Variants in SH3GLB1 observed in about 807,000 individuals in gnomAD.
SH3GLB1 encodes the protein SH3 domain containing GRB2 like, endophilin B1.
In SH3GLB1, 17 loss-of-function variants were observed where a neutral mutation model predicts 42.0. The ratio of observed to expected loss-of-function variants is 0.40; its 90% CI spans 0.28 to 0.61. The LOEUF is 0.61. SH3GLB1 is among the 20% of genes least tolerant of loss of function. SH3GLB1 has a pLI of 0.36. For synonymous variants in SH3GLB1, 132 were observed against 146.6 expected (o/e 0.90, Z 0.72); for missense variants, 355 against 426.3 (o/e 0.83, Z 1.47).
chr1:86,719,440 G>GA, intron 2 of SH3GLB1, 67 bp from the exon 3 acceptor site: 5 of 1,449,722 alleles, frequency 3.4e-6, no homozygotes, highest in South Asian at 2.7e-5. Flanking sequence ...GCTGATGGGG[G>GA]AAAAAAACAA....
At chr1:86,728,233 C>A (rs564349821) in intron 5 of SH3GLB1, among the ~76,000 whole-genome samples, 1 of 152,068 alleles carries the variant, frequency 6.6e-6, no homozygotes, top group East Asian at 1.9e-4. Context: ...TGAATAGGCA[C>A]CACTATATGC....
rs1461205315 is a variant in SH3GLB1, at chr1:86,735,646, G to C, written c.761+467G>C. On this transcript the variant is annotated intron_variant, in intron 7 of 8. Coordinates refer to ENST00000370558, the MANE Select transcript of SH3GLB1 (RefSeq NM_016009.5). ...TAATATACTTCAAAGCAAAATGACA[G>C]TATGTAAAACACAAAGCTCAATCAC... Among the ~76,000 whole-genome samples, 7 of 152,278 alleles carry C rather than the reference G, an allele frequency of 4.6e-5. No homozygotes were observed. In the East Asian group the frequency reaches 9.6e-4, roughly 21 times the overall value.
intron 5 of SH3GLB1, among the ~76,000 whole-genome samples, chr1:86,732,917 A>G (rs1655588004): frequency 6.6e-6 from 1 of 152,058 alleles, no homozygotes; most frequent in African/African-American, 2.4e-5. Flanking sequence ...ACAATCAAAG[A>G]CCTATATGGA....
At chr1:86,711,592 A>G (rs377251346) in intron 1 of SH3GLB1, among the ~76,000 whole-genome samples, 2 of 152,134 alleles carry the variant, frequency 1.3e-5, no homozygotes, top group East Asian at 3.8e-4. Context: ...TCTATTCATT[A>G]AAAGATATGC....
intron 7 of SH3GLB1, among the ~76,000 whole-genome samples, chr1:86,736,472 T>C (rs1424048313): frequency 1.3e-5 from 2 of 152,212 alleles, no homozygotes; most frequent in African/African-American, 4.8e-5. Flanking sequence ...CATAACTATA[T>C]ATTTGAGGTT....
intron 5 of SH3GLB1, among the ~76,000 whole-genome samples, chr1:86,728,215 G>A (rs936979404): frequency 4.6e-5 from 7 of 151,754 alleles, no homozygotes; most frequent in African/African-American, 1.7e-4. Context: ...GAATTTTGGG[G>A]AAAAAAATGA....
intron 7 of SH3GLB1, among the ~76,000 whole-genome samples, chr1:86,738,912 G>A (rs1282660320): frequency 6.6e-6 from 1 of 152,212 alleles, no homozygotes; most frequent in Non-Finnish European, 1.5e-5. Context: ...TCAAAGTGCT[G>A]GGATTATAGG....
Position 86,742,439 on chromosome 1 carries a change from G to A in SH3GLB1, c.990+3G>A. 1 of 1,609,778 alleles carries A rather than the reference G, an allele frequency of 6.2e-7. No individual in the cohort carries two copies. Among genetic ancestry groups the A allele is most frequent in the Non-Finnish European group, 8.5e-7 (1 of 1,176,224 alleles). On this transcript the variant is annotated splice_donor_region_variant and intron_variant, in intron 8 of 8. Transcript: ENST00000370558. ...AATTATCACTTCTGGCAGATGAGGT[G>A]AGTATTGTGGGTATGAGAAGGAAAA... is the stretch of plus-strand genomic sequence containing the variant.
At chr1:86,735,380 G>A (rs547675139) in intron 7 of SH3GLB1, among the ~76,000 whole-genome samples, 37 of 152,158 alleles carry the variant, frequency 2.4e-4, no homozygotes, top group African/African-American at 8.9e-4. Flanking sequence ...ATGTTAACAG[G>A]GATGAGAAAA....
At chr1:86,708,271 G>C (rs1181957033) in intron 1 of SH3GLB1, among the ~76,000 whole-genome samples, 1 of 152,138 alleles carries the variant, frequency 6.6e-6, no homozygotes, top group African/African-American at 2.4e-5. Flanking sequence ...AAAGTACCAA[G>C]TTTCATGCTA....
intron 2 of SH3GLB1, among the ~76,000 whole-genome samples, chr1:86,716,108 G>A (rs1429388768): frequency 6.6e-6 from 1 of 152,090 alleles, no homozygotes; most frequent in Non-Finnish European, 1.5e-5. Flanking sequence ...ATTTTAGGCA[G>A]TGACTTTGAA....
At chr1:86,708,027 T>C (rs1334682641) in intron 1 of SH3GLB1, among the ~76,000 whole-genome samples, 1 of 152,180 alleles carries the variant, frequency 6.6e-6, no homozygotes, top group Non-Finnish European at 1.5e-5. Flanking sequence ...TTGTGGAAGG[T>C]TGGTTATGGG....
rs1447750582 is a variant in SH3GLB1, at chr1:86,747,096, TA to T, written c.*3863del. ...AGACAAAAACTGAGTCTTCTAATCTTAATTGTGTTCTAGCAGTAGTCATTGT... is the reference window on the plus strand; with the variant it reads ...AGACAAAAACTGAGTCTTCTAATCTTATTGTGTTCTAGCAGTAGTCATTGT... On this transcript the variant is annotated 3_prime_UTR_variant, in exon 9 of 9. Coordinates refer to ENST00000370558, the MANE Select transcript of SH3GLB1 (RefSeq NM_016009.5). 1.3e-5 allele frequency: 2 copies of T among 152,620 alleles called. No homozygotes were observed. Among genetic ancestry groups the T allele is most frequent in the Non-Finnish European group, 2.9e-5 (2 of 68,028 alleles). The allele number at this position is 152,620 out of a possible 1,614,324, so 9.5% of individuals were successfully genotyped here. A position where few individuals can be genotyped will look rare whatever the true frequency, so the allele number is the denominator to read the frequency against.
In SH3GLB1 at chr1:86,745,225, C is replaced by G. The variant is rs936805846; in HGVS notation, c.*1990C>G. On this transcript the variant is annotated 3_prime_UTR_variant, in exon 9 of 9. Coordinates refer to ENST00000370558, the MANE Select transcript of SH3GLB1 (RefSeq NM_016009.5). The stretch of plus-strand genomic sequence containing the variant: ...GAGATGTATAACTGCCTTTTCCTTA[C>G]CAGTAAAATGAGGACAATAATTATG... 2.6e-5 allele frequency: 4 copies of G among 152,142 alleles called. No homozygotes were observed. The highest frequency in any genetic ancestry group is 2.0e-4 in the Admixed American group (3 of 15,280). 9.4% of individuals were successfully genotyped at this position (152,142 alleles called of 1,614,324 possible). A position where few individuals can be genotyped will look rare whatever the true frequency, so the allele number is the denominator to read the frequency against.
chr1:86,726,501 A>G (rs1262355097), intron 5 of SH3GLB1, among the ~76,000 whole-genome samples: 3 of 148,326 alleles, frequency 2.0e-5, no homozygotes, highest in African/African-American at 5.1e-5. Context: ...TTTTTTTTCT[A>G]TGGGAATTTA....
chr1:86,730,328 T>C (rs1655437997), intron 5 of SH3GLB1: 1 of 985,270 alleles, frequency 1.0e-6, no homozygotes, highest in Non-Finnish European at 1.2e-6. Context: ...GCACACACAC[T>C]GATAAATCTT....
chr1:86,719,121 G>GA (rs1184727091), intron 2 of SH3GLB1, among the ~76,000 whole-genome samples: 2 of 152,132 alleles, frequency 1.3e-5, no homozygotes, highest in Non-Finnish European at 2.9e-5. Flanking sequence ...TTCCTAGCCA[G>GA]AAATCCTGAT....
intron 1 of SH3GLB1, among the ~76,000 whole-genome samples, chr1:86,713,177 T>C (rs1051161972): frequency 6.6e-6 from 1 of 152,168 alleles, no homozygotes; most frequent in African/African-American, 2.4e-5. Flanking sequence ...AGGGTCTTGC[T>C]GTGTCACCCA....
intron 7 of SH3GLB1, among the ~76,000 whole-genome samples, chr1:86,739,615 A>G (rs1443816594): frequency 6.6e-6 from 1 of 152,154 alleles, no homozygotes; most frequent in African/African-American, 2.4e-5. Context: ...GGAACAGAGG[A>G]ATGAGGCAGT....
Sources: allele counts gnomAD v4.1 joint callset (sites outside exome capture counted in the v4.1 genomes callset), GRCh38; gene constraint gnomAD v4.1.1; transcripts MANE v1.5; gene names NCBI Gene and HGNC (gene_info 2026-07-23, HGNC 2026-07-21).